NOTCH2NLC: variants seen among roughly 807,000 people sequenced by gnomAD.
The protein encoded by NOTCH2NLC is notch homolog 2 N-terminal-like protein C.
Under a neutral mutation model 17.7 loss-of-function variants are expected in NOTCH2NLC, and 4 were observed. The observed-to-expected ratio is 0.23, with a 90% CI of 0.11 to 0.52. The LOEUF (loss-of-function observed/expected upper bound fraction) is 0.52, where lower values mean the gene tolerates loss of function less well. Among genes scored for constraint, NOTCH2NLC ranks in the 20% least tolerant of loss-of-function variants. The pLI is 0.96. For missense variants in NOTCH2NLC, 57 were observed against 207.2 expected (o/e 0.28, Z 4.45); for synonymous variants, 18 against 86.0 (o/e 0.21, Z 4.38).
rs1301613697 is a variant in NOTCH2NLC, at chr1:149,390,713, A to T, written c.-75A>T. The T allele has an allele frequency of 2.1e-5, 26 of 1,236,882 alleles. No individual in the cohort carries two copies. The highest frequency in any genetic ancestry group is 2.4e-5 in the Non-Finnish European group (24 of 987,878). The allele number at this position is 1,236,882 out of a possible 1,614,324, so 76.6% of individuals were successfully genotyped here. ...CATTTGCGCCTGTGCTTCGGACCGT[A>T]GCGCCAGGGCCTGAGCCTTTGAAGC... is the stretch of plus-strand genomic sequence containing the variant. On this transcript the variant is annotated 5_prime_UTR_variant, in exon 1 of 5. Coordinates refer to ENST00000650865, the MANE Select transcript of NOTCH2NLC (RefSeq NM_001364013.2).
At chr1:149,399,297 T>G (rs1434214795) in intron 1 of NOTCH2NLC, among the ~76,000 whole-genome samples, 2 of 149,948 alleles carry the variant, frequency 1.3e-5, no homozygotes, top group Non-Finnish European at 1.5e-5. Flanking sequence ...ATAATCTATT[T>G]TAACGGGTAC....
At chr1:149,430,006 A>T (rs1379522241) in intron 1 of NOTCH2NLC, among the ~76,000 whole-genome samples, 1 of 150,860 alleles carries the variant, frequency 6.6e-6, no homozygotes, top group Non-Finnish European at 1.5e-5. Context: ...TATTTTGGTG[A>T]TGAAAATTTC....
At chr1:149,419,881 T>C (rs1472473353) in intron 1 of NOTCH2NLC, among the ~76,000 whole-genome samples, 1,200 of 117,978 alleles carry the variant, frequency 0.01, 20 homozygotes, top group African/African-American at 0.02. Flanking sequence ...TTTTTTTTTT[T>C]CCTCAGGCAG....
chr1:149,402,160 A>G (rs1301590868), intron 1 of NOTCH2NLC, among the ~76,000 whole-genome samples: 2 of 150,196 alleles, frequency 1.3e-5, no homozygotes, highest in South Asian at 2.1e-4. Flanking sequence ...GCTCACCGCA[A>G]CCTCCACCTC....
At chr1:149,412,508 T>C (rs1375762542) in intron 1 of NOTCH2NLC, among the ~76,000 whole-genome samples, 77 of 135,498 alleles carry the variant, frequency 5.7e-4, no homozygotes, top group African/African-American at 2.1e-3. Context: ...ACTGTAGGCC[T>C]TAGAAAGGTA....
intron 2 of NOTCH2NLC, among the ~76,000 whole-genome samples, chr1:149,447,240 T>TA (rs1253414511): frequency 2.0e-5 from 3 of 150,906 alleles, no homozygotes; most frequent in African/African-American, 7.3e-5. Context: ...TCTTACCTAT[T>TA]ACTCCCCTTT....
At chr1:149,413,667 C>G (rs1359011547) in intron 1 of NOTCH2NLC, among the ~76,000 whole-genome samples, 2 of 151,028 alleles carry the variant, frequency 1.3e-5, no homozygotes, top group Non-Finnish European at 3.0e-5. Context: ...TTTGTTCCTG[C>G]TGAGTTCAGA....
In NOTCH2NLC at chr1:149,470,268, T is replaced by C. The variant is rs2084709023; in HGVS notation, c.*6115T>C. ...CTATAATACCACTGACAAATAATAA[T>C]ATTAGCTAATATGTGTAAGGCACTG... is the stretch of plus-strand genomic sequence containing the variant. On this transcript the variant is annotated 3_prime_UTR_variant, in exon 5 of 5. Coordinates refer to ENST00000650865, the MANE Select transcript of NOTCH2NLC (RefSeq NM_001364013.2). Among the ~76,000 whole-genome samples the C allele has an allele frequency of 6.6e-6, 1 of 151,086 alleles. No homozygotes were observed. The highest frequency in any genetic ancestry group is 6.6e-5 in the Admixed American group (1 of 15,114).
intron 3 of NOTCH2NLC, among the ~76,000 whole-genome samples, chr1:149,460,918 T>C (rs1175962964): frequency 2.2e-5 from 3 of 135,168 alleles, no homozygotes; most frequent in Non-Finnish European, 4.9e-5. Flanking sequence ...TTTCTTTCTC[T>C]CTCTTTCTCT....
intron 1 of NOTCH2NLC, among the ~76,000 whole-genome samples, chr1:149,412,131 C>A (rs1309883487): frequency 0.039 from 4,307 of 110,404 alleles, 63 homozygotes; most frequent in South Asian, 0.045. Flanking sequence ...AAAAAAAAAA[C>A]AAAAAAAAAA....
At chr1:149,400,181 GCA>G (rs1435833867) in intron 1 of NOTCH2NLC, among the ~76,000 whole-genome samples, 1 of 130,812 alleles carries the variant, frequency 7.6e-6, no homozygotes, top group Non-Finnish European at 1.6e-5. Flanking sequence ...ATATATATAT[GCA>G]CACACACATA....
intron 1 of NOTCH2NLC, among the ~76,000 whole-genome samples, chr1:149,410,325 T>C (rs2084292012): frequency 6.7e-6 from 1 of 149,570 alleles, no homozygotes; most frequent in Non-Finnish European, 1.5e-5. Flanking sequence ...TTTACCAGAG[T>C]AGAAAGAAGA....
intron 1 of NOTCH2NLC, 110 bp from the exon 2 acceptor site, chr1:149,430,832 T>C (rs2084444613): frequency 3.1e-6 from 1 of 319,822 alleles, no homozygotes; most frequent in Non-Finnish European, 6.2e-6. Flanking sequence ...AAACCCAGAT[T>C]AGGTGGGAAT....
intron 1 of NOTCH2NLC, among the ~76,000 whole-genome samples, chr1:149,412,083 A>G (rs1230571187): frequency 9.1e-6 from 1 of 109,788 alleles, no homozygotes; most frequent in East Asian, 3.0e-4. Context: ...GCCACTGCAC[A>G]TCTGTCTGGG....
At chr1:149,439,970 T>C (rs2084506285) in intron 2 of NOTCH2NLC, among the ~76,000 whole-genome samples, 2 of 149,194 alleles carry the variant, frequency 1.3e-5, no homozygotes, top group African/African-American at 4.9e-5. Context: ...AAATAAAGAC[T>C]AAGAAAGGCA....
At position 149,417,310 on chromosome 1, in the gene NOTCH2NLC, G is replaced by A. The variant is rs1254915906; in HGVS notation, c.136-13632G>A. 3.3e-5 allele frequency among the ~76,000 whole-genome samples: 5 copies of A among 150,466 alleles called. 1 individual carries two copies. Among genetic ancestry groups the A allele is most frequent in the South Asian group, 2.1e-4 (1 of 4,770 alleles). ...TTTTCAGTAGAGACGGGGTTTCACC[G>A]TGTTAGCCAGGATGGTCTCGATCTC... On this transcript the variant is annotated intron_variant, in intron 1 of 4. Coordinates refer to ENST00000650865, the MANE Select transcript of NOTCH2NLC (RefSeq NM_001364013.2).
Position 149,466,236 on chromosome 1 carries a change from A to G in NOTCH2NLC, c.*2083A>G, listed in dbSNP as rs1450141180. 2.1e-5 allele frequency: 3 copies of G among 141,222 alleles called. No individual in the cohort carries two copies. Among genetic ancestry groups the G allele is most frequent in the Non-Finnish European group, 4.7e-5 (3 of 64,362 alleles). 8.7% of individuals were successfully genotyped at this position (141,222 alleles called of 1,614,324 possible). On this transcript the variant is annotated 3_prime_UTR_variant, in exon 5 of 5. Coordinates refer to ENST00000650865, the MANE Select transcript of NOTCH2NLC (RefSeq NM_001364013.2). ...TAATTATAATCAAATAGTACTTGTT[A>G]CATATCAATATGTGTGTGTGTGTGT...
intron 2 of NOTCH2NLC, among the ~76,000 whole-genome samples, chr1:149,448,904 G>C (rs1412219199): frequency 1.4e-5 from 2 of 143,042 alleles, no homozygotes; most frequent in Non-Finnish European, 3.1e-5. Context: ...TTTTTTGAGA[G>C]GGAGTCTCGC....
At chr1:149,448,667 T>C (rs1298239619) in intron 2 of NOTCH2NLC, among the ~76,000 whole-genome samples, 1 of 151,042 alleles carries the variant, frequency 6.6e-6, no homozygotes, top group Non-Finnish European at 1.5e-5. Context: ...AGTAAAAGCA[T>C]AGTGTCCAGA....
Sources: allele counts gnomAD v4.1 joint callset (sites outside exome capture counted in the v4.1 genomes callset), GRCh38; gene constraint gnomAD v4.1.1; transcripts MANE v1.5; gene names NCBI Gene and HGNC (gene_info 2026-07-23, HGNC 2026-07-21).